The following LPA variants were observed in gnomAD, a reference collection of about 807,000 sequenced individuals.
The protein encoded by LPA is lipoprotein(a).
A neutral mutation model predicts 197.9 loss-of-function variants in LPA; 199 were observed. That is an observed-to-expected ratio of 1.01 (90% CI 0.90 to 1.13). The LOEUF (loss-of-function observed/expected upper bound fraction) is 1.13, where lower values mean the gene tolerates loss of function less well. Ranked by LOEUF, LPA falls within the 50% of genes most tolerant of loss-of-function variation. The pLI, the probability that LPA is intolerant of heterozygous loss-of-function variation, is 0.00. For synonymous variants in LPA, 715 were observed against 639.5 expected (o/e 1.12, Z -1.78); for missense variants, 1,853 against 1,785.8 (o/e 1.04, Z -0.68).
intron 26 of LPA, among the ~76,000 whole-genome samples, chr6:160,579,399 C>A (rs980761173): frequency 1.8e-4 from 28 of 152,152 alleles, no homozygotes; most frequent in Admixed American, 1.0e-3. Flanking sequence ...GGTTCATGGG[C>A]ACGACCTCCT....
At chr6:160,591,228 G>A (rs1583602534) in intron 22 of LPA, 127 bp from the exon 23 acceptor site, 1 of 1,185,388 alleles carries the variant, frequency 8.4e-7, no homozygotes, top group East Asian at 2.5e-5. Flanking sequence ...TAAAGGTCCT[G>A]TAACAATCAC....
At chr6:160,607,688 A>C (rs1340586061) in intron 16 of LPA, among the ~76,000 whole-genome samples, 1 of 144,196 alleles carries the variant, frequency 6.9e-6, no homozygotes, top group Non-Finnish European at 1.6e-5. Context: ...CATGGGGATG[A>C]AACACTGTCT....
At chr6:160,597,135 A>G (rs1779148700) in intron 20 of LPA, among the ~76,000 whole-genome samples, 1 of 152,160 alleles carries the variant, frequency 6.6e-6, no homozygotes, top group African/African-American at 2.4e-5. Context: ...GCACACTTTA[A>G]TGTGTACTCG....
At chr6:160,532,477 G>T in intron 38 of LPA, 54 bp downstream of exon 38, 2 of 1,372,016 alleles carry the variant, frequency 1.5e-6, no homozygotes, top group South Asian at 1.2e-5. Context: ...ACGTCTAAGG[G>T]ACTGAGACTG....
intron 26 of LPA, 63 bp from the exon 27 acceptor site, chr6:160,578,767 C>T: frequency 1.2e-6 from 2 of 1,611,614 alleles, no homozygotes; most frequent in Non-Finnish European, 1.7e-6. Context: ...CACTTAGCGC[C>T]CTCTACATTT....
intron 26 of LPA, among the ~76,000 whole-genome samples, chr6:160,584,144 A>G (rs1407794807): frequency 6.6e-6 from 1 of 151,734 alleles, no homozygotes; most frequent in Non-Finnish European, 1.5e-5. Flanking sequence ...TAGTACTCAT[A>G]TATAAATATA....
At chr6:160,547,366 TG>T (rs1205463051) in intron 32 of LPA, among the ~76,000 whole-genome samples, 1 of 152,210 alleles carries the variant, frequency 6.6e-6, no homozygotes. Flanking sequence ...ATCTGACAGC[TG>T]GCAGAGCTCA....
At chr6:160,587,848 A>C (rs1264314262) in intron 24 of LPA, among the ~76,000 whole-genome samples, 2 of 148,978 alleles carry the variant, frequency 1.3e-5, no homozygotes, top group Non-Finnish European at 3.0e-5. Context: ...TGTAGCTCCT[A>C]TTGAATTATT....
At chr6:160,588,517 C>A (rs756712696) in intron 24 of LPA, among the ~76,000 whole-genome samples, 1 of 152,132 alleles carries the variant, frequency 6.6e-6, no homozygotes, top group African/African-American at 2.4e-5. Context: ...GCTTACTGTT[C>A]CCCTGCAGTT....
intron 23 of LPA, among the ~76,000 whole-genome samples, chr6:160,590,514 A>G (rs1178178193): frequency 6.6e-6 from 1 of 152,202 alleles, no homozygotes; most frequent in African/African-American, 2.4e-5. Flanking sequence ...AGGTTTCTCA[A>G]GGATGACAGA....
chr6:160,591,851 C>T (rs1215316405), intron 22 of LPA, among the ~76,000 whole-genome samples: 2 of 152,140 alleles, frequency 1.3e-5, no homozygotes, highest in African/African-American at 4.8e-5. Context: ...ATCCCCTTTC[C>T]TTGTGTCTTA....
At chr6:160,611,116 A>G (rs1410180037) in intron 16 of LPA, among the ~76,000 whole-genome samples, 2 of 152,114 alleles carry the variant, frequency 1.3e-5, no homozygotes, top group East Asian at 3.9e-4. Flanking sequence ...ACAGGTAGAA[A>G]TAGAAACAGA....
chr6:160,534,041 C>T (rs1374741406), intron 37 of LPA, among the ~76,000 whole-genome samples: 4 of 152,192 alleles, frequency 2.6e-5, no homozygotes, highest in Admixed American at 2.0e-4. Flanking sequence ...GGCACTCTCT[C>T]CTGCTTTCCC....
intron 20 of LPA, among the ~76,000 whole-genome samples, chr6:160,598,065 G>A (rs1252498729): frequency 2.0e-5 from 3 of 152,182 alleles, no homozygotes; most frequent in African/African-American, 7.2e-5. Flanking sequence ...ACTTTTCTGA[G>A]GTCTCTACTG....
intron 24 of LPA, among the ~76,000 whole-genome samples, chr6:160,587,050 G>A (rs1431445367): frequency 6.6e-6 from 1 of 152,150 alleles, no homozygotes; most frequent in Non-Finnish European, 1.5e-5. Flanking sequence ...GATCTATTCA[G>A]TGTTTGATTT....
At chr6:160,604,176 G>A (rs949530088) in intron 18 of LPA, among the ~76,000 whole-genome samples, 1 of 152,116 alleles carries the variant, frequency 6.6e-6, no homozygotes, top group Non-Finnish European at 1.5e-5. Flanking sequence ...TAAAATCCTA[G>A]CTACCACAGT....
intron 1 of LPA, among the ~76,000 whole-genome samples, chr6:160,651,045 G>A (rs1034434143): frequency 2.0e-5 from 3 of 152,170 alleles, no homozygotes; most frequent in Non-Finnish European, 4.4e-5. Flanking sequence ...TTGGAGGAGA[G>A]ACTGGAAATT....
chr6:160,594,216 G>C (rs1779087321), intron 21 of LPA, 99 bp from the exon 22 acceptor site: 1 of 1,449,704 alleles, frequency 6.9e-7, no homozygotes, highest in Non-Finnish European at 9.7e-7. Flanking sequence ...CTCTGAGAAA[G>C]ACTACCATGC....
chr6:160,538,336 T>C (rs971876008), intron 36 of LPA, among the ~76,000 whole-genome samples: 20 of 152,348 alleles, frequency 1.3e-4, no homozygotes, highest in Non-Finnish European at 1.9e-4. Context: ...AATGTCTGGC[T>C]GAGACATCAT....
Sources: gnomAD v4.1 joint callset for allele counts (sites outside exome capture counted in the v4.1 genomes callset) on GRCh38, gnomAD v4.1.1 for gene constraint, MANE v1.5 for transcripts, NCBI Gene and HGNC (gene_info 2026-07-23, HGNC 2026-07-21) for gene names.